Variants in KHDRBS3 observed in about 807,000 individuals in gnomAD.
KHDRBS3 encodes KH domain-containing, RNA-binding, signal transduction-associated protein 3.
A neutral mutation model predicts 45.6 loss-of-function variants in KHDRBS3; 23 were observed. The ratio of observed to expected loss-of-function variants is 0.50; its 90% CI spans 0.36 to 0.72. KHDRBS3 has a LOEUF of 0.72. Ranked by LOEUF, KHDRBS3 falls within the 30% of genes least tolerant of loss-of-function variation. The probability of loss-of-function intolerance (pLI) is 0.00; values close to 1 mark genes in which losing one functional copy is unlikely to be tolerated. For missense variants in KHDRBS3, 352 were observed against 424.8 expected (o/e 0.83, Z 1.51); for synonymous variants, 162 against 156.5 (o/e 1.04, Z -0.26).
chr8:135,479,525 A>G (rs902657869), intron 1 of KHDRBS3, among the ~76,000 whole-genome samples: 2 of 152,198 alleles, frequency 1.3e-5, no homozygotes, highest in Admixed American at 1.3e-4. Flanking sequence ...TGGAGGGTGG[A>G]AAGTCCAAGA....
At chr8:135,485,842 T>TTATGTATATATATATATATATATATATA (rs1554615384) in intron 1 of KHDRBS3, among the ~76,000 whole-genome samples, 12 of 120,322 alleles carry the variant, frequency 1.0e-4, no homozygotes, top group Admixed American at 3.3e-4. Context: ...CATTTCAAGT[T>TTATGTATATATATATATATATATATATA]TATATATATA....
chr8:135,458,285 A>C (rs910276837), intron 1 of KHDRBS3: 7 of 813,834 alleles, frequency 8.6e-6, no homozygotes, highest in Non-Finnish European at 1.1e-5. Flanking sequence ...ACGAGGTTGA[A>C]TTATGTCATG....
At position 135,569,739 on chromosome 8, in the gene KHDRBS3, C is replaced by T. The variant is rs118135073; in HGVS notation, c.612-12139C>T. On this transcript the variant is annotated intron_variant, in intron 5 of 8. Coordinates refer to ENST00000355849, the MANE Select transcript of KHDRBS3 (RefSeq NM_006558.3). ...TTCCCACTGCCCACAACAGGGCCTG[C>T]GGCACAGCAGTCACCCAGGGCAGGT... Among the ~76,000 whole-genome samples the T allele has an allele frequency of 8.7e-4, 132 of 152,216 alleles. 1 individual carries two copies. The East Asian group carries it at 0.018, about 21-fold the overall frequency.
At chr8:135,576,054 T>C (rs1014597566) in intron 5 of KHDRBS3, among the ~76,000 whole-genome samples, 1 of 152,220 alleles carries the variant, frequency 6.6e-6, no homozygotes, top group African/African-American at 2.4e-5. Flanking sequence ...TGTTTCTCAA[T>C]TGGGATTTGT....
At chr8:135,623,565 T>C (rs1448829092) in intron 7 of KHDRBS3, among the ~76,000 whole-genome samples, 1 of 152,036 alleles carries the variant, frequency 6.6e-6, no homozygotes, top group East Asian at 1.9e-4. Context: ...GCTAAGTTCC[T>C]TACTTTTTTT....
chr8:135,652,580 G>A (rs150041082), downstream of KHDRBS3, among the ~76,000 whole-genome samples: 12 of 152,242 alleles, frequency 7.9e-5, no homozygotes, highest in African/African-American at 2.2e-4. Context: ...TAACAGTTCC[G>A]TACCCCACTC....
intron 2 of KHDRBS3, chr8:135,541,196 A>G (rs1482916240): frequency 1.3e-5 from 2 of 152,208 alleles, no homozygotes; most frequent in Non-Finnish European, 2.9e-5. Context: ...AGAGAAATTT[A>G]GAGATAGCAG....
At chr8:135,606,430 T>G (rs1055040057) in intron 6 of KHDRBS3, among the ~76,000 whole-genome samples, 3 of 152,186 alleles carry the variant, frequency 2.0e-5, no homozygotes, top group African/African-American at 7.2e-5. Flanking sequence ...TCAGATACCC[T>G]GAGGAAAAAG....
downstream of KHDRBS3, among the ~76,000 whole-genome samples, chr8:135,648,867 A>G (rs1426307265): frequency 6.6e-6 from 1 of 151,816 alleles, no homozygotes; most frequent in African/African-American, 2.4e-5. Context: ...GAAAATATCT[A>G]GCAGTCTAGT....
chr8:135,591,316 A>T (rs769678427), intron 6 of KHDRBS3, among the ~76,000 whole-genome samples: 13 of 152,262 alleles, frequency 8.5e-5, no homozygotes, highest in Non-Finnish European at 1.5e-4. Context: ...TGAGCAAGTG[A>T]TACTAAGGAA....
intron 1 of KHDRBS3, among the ~76,000 whole-genome samples, chr8:135,472,268 G>C (rs1822054549): frequency 6.6e-6 from 1 of 152,140 alleles, no homozygotes; most frequent in Admixed American, 6.5e-5. Context: ...TGTCACGGAA[G>C]AGTTACTGGG....
At chr8:135,491,661 G>GATT (rs893461543) in intron 1 of KHDRBS3, among the ~76,000 whole-genome samples, 1 of 152,172 alleles carries the variant, frequency 6.6e-6, no homozygotes, top group Non-Finnish European at 1.5e-5. Context: ...CATATTCATA[G>GATT]ATTAGCGCAG....
chr8:135,654,859 CTCT>C (rs1831500314), intron 4 of KHDRBS3, among the ~76,000 whole-genome samples: 1 of 152,248 alleles, frequency 6.6e-6, no homozygotes, highest in African/African-American at 2.4e-5. Flanking sequence ...TGCCCACCCT[CTCT>C]TCTTCTCTGG....
At chr8:135,490,044 C>T (rs1442026372) in intron 1 of KHDRBS3, among the ~76,000 whole-genome samples, 3 of 152,180 alleles carry the variant, frequency 2.0e-5, no homozygotes, top group African/African-American at 4.8e-5. Context: ...CTAGAGCATT[C>T]GGTACAGTAA....
chr8:135,501,458 C>T (rs1184912267), intron 1 of KHDRBS3, among the ~76,000 whole-genome samples: 8 of 152,102 alleles, frequency 5.3e-5, no homozygotes, highest in Non-Finnish European at 1.0e-4. Context: ...TCAAATGTAG[C>T]TATTTGTCTG....
intron 7 of KHDRBS3, among the ~76,000 whole-genome samples, chr8:135,638,291 C>T (rs1158148006): frequency 6.6e-6 from 1 of 152,162 alleles, no homozygotes; most frequent in African/African-American, 2.4e-5. Flanking sequence ...CGAGGCCAAA[C>T]CTCGGGTAGT....
chr8:135,585,588 A>G (rs925514939), intron 6 of KHDRBS3, among the ~76,000 whole-genome samples: 1 of 152,152 alleles, frequency 6.6e-6, no homozygotes, highest in African/African-American at 2.4e-5. Context: ...TGGTCACAAG[A>G]TGGTTTTTAA....
intron 6 of KHDRBS3, among the ~76,000 whole-genome samples, chr8:135,595,915 T>C (rs1161038877): frequency 2.6e-5 from 4 of 152,188 alleles, no homozygotes; most frequent in African/African-American, 9.7e-5. Context: ...TGGGTATTGA[T>C]GAAAGTCAGC....
intron 1 of KHDRBS3, among the ~76,000 whole-genome samples, chr8:135,494,821 T>TG (rs963530603): frequency 5.9e-5 from 9 of 152,224 alleles, no homozygotes; most frequent in African/African-American, 2.2e-4. Context: ...AGGTGACCTA[T>TG]GGCTTTGGTT....
Sources: gnomAD v4.1 joint callset for allele counts (sites outside exome capture counted in the v4.1 genomes callset) on GRCh38, gnomAD v4.1.1 for gene constraint, MANE v1.5 for transcripts, NCBI Gene and HGNC (gene_info 2026-07-23, HGNC 2026-07-21) for gene names.